Variants in ATOSB observed in about 807,000 individuals in gnomAD.
The protein encoded by ATOSB is atos homolog protein B.
chr9:35,106,872 G>A, the ATOSB span: 5 of 1,571,846 alleles, frequency 3.2e-6, no homozygotes, highest in Non-Finnish European at 4.3e-6. The surrounding 1 kb of genome is among the most constrained non-coding windows in gnomAD (Gnocchi z 4.6). Flanking sequence ...CCGCCCCATG[G>A]GACCGCAGTC....
the ATOSB span, chr9:35,108,026 A>C: frequency 1.3e-6 from 2 of 1,548,432 alleles, no homozygotes; most frequent in South Asian, 2.5e-5. Context: ...CCCCCAGCCC[A>C]GGGCCTCTCT....
chr9:35,109,996 A>G, the ATOSB span: 1 of 152,060 alleles, frequency 6.6e-6, no homozygotes, highest in Admixed American at 6.6e-5. Context: ...CAGATGAGAG[A>G]AGCAGAGAGA....
At chr9:35,107,590 G>T in the ATOSB span, 28 of 1,587,124 alleles carry the variant, frequency 1.8e-5, no homozygotes, top group Non-Finnish European at 2.2e-5. Context: ...GGGCCAGGGG[G>T]TGTGTGCTCG....
chr9:35,107,840 G>T, the ATOSB span: 2 of 1,597,336 alleles, frequency 1.3e-6, no homozygotes, highest in Non-Finnish European at 1.7e-6. Context: ...TTGATGGGGG[G>T]CAGGGGGGAC....
the ATOSB span, among the ~76,000 whole-genome samples, chr9:35,115,100 A>G: frequency 0.011 from 1,612 of 151,878 alleles, 15 homozygotes; most frequent in Non-Finnish European, 0.017. Flanking sequence ...AGGAACTAGG[A>G]TGGGGGGTTG....
chr9:35,106,804 C>G, the ATOSB span: 2 of 1,557,618 alleles, frequency 1.3e-6, no homozygotes. The surrounding 1 kb of genome is among the most constrained non-coding windows in gnomAD (Gnocchi z 4.6). Context: ...TTCTCAGGGA[C>G]AGGGTAGAGG....
the ATOSB span, among the ~76,000 whole-genome samples, chr9:35,113,389 G>C: frequency 4.7e-4 from 71 of 152,264 alleles, no homozygotes; most frequent in African/African-American, 1.7e-3. Context: ...ACTTTGGGAG[G>C]CCAAAGTGGG....
At chr9:35,107,130 T>G in the ATOSB span, among the ~76,000 whole-genome samples, 13,290 of 151,860 alleles carry the variant, frequency 0.088, 895 homozygotes, top group East Asian at 0.35. Context: ...GAGACCAGCT[T>G]GGGCAACATG....
At chr9:35,105,600 G>A in the ATOSB span, 15 of 1,420,024 alleles carry the variant, frequency 1.1e-5, no homozygotes, top group Admixed American at 6.3e-5. This position sits in a 1 kb window ranked among gnomAD's most constrained non-coding sequence, Gnocchi z 5.5. Flanking sequence ...GCAAGAATCC[G>A]GACAGTATCG....
the ATOSB span, chr9:35,107,777 C>A: frequency 6.4e-7 from 1 of 1,564,518 alleles, no homozygotes; most frequent in Admixed American, 1.9e-5. Context: ...ACCCCTGTCC[C>A]CCTGGATCTG....
At chr9:35,105,429 T>A in the ATOSB span, 1 of 1,559,140 alleles carries the variant, frequency 6.4e-7, no homozygotes, top group Non-Finnish European at 8.7e-7. The surrounding 1 kb of genome is among the most constrained non-coding windows in gnomAD (Gnocchi z 5.5). Flanking sequence ...CAGTGGCTCA[T>A]GCCTGTAATT....
the ATOSB span, chr9:35,108,642 G>A: frequency 9.7e-7 from 1 of 1,035,002 alleles, no homozygotes; most frequent in South Asian, 3.8e-5. Flanking sequence ...CTTCCCAACT[G>A]ATGCCTCGTG....
the ATOSB span, chr9:35,107,328 A>G: frequency 2.7e-6 from 4 of 1,502,744 alleles, no homozygotes; most frequent in African/African-American, 5.7e-5. Flanking sequence ...TCAAAAAAAA[A>G]AAAAAAAAAA....
At chr9:35,106,929 A>G in the ATOSB span, 1 of 1,537,796 alleles carries the variant, frequency 6.5e-7, no homozygotes. This position sits in a 1 kb window ranked among gnomAD's most constrained non-coding sequence, Gnocchi z 4.6. Flanking sequence ...CACAGGGTGA[A>G]GGCCATGTAT....
the ATOSB span, chr9:35,106,088 C>T: frequency 6.5e-7 from 1 of 1,531,134 alleles, no homozygotes; most frequent in Admixed American, 1.9e-5. This position sits in a 1 kb window ranked among gnomAD's most constrained non-coding sequence, Gnocchi z 4.6. Context: ...TCTCCACAAG[C>T]TCTCACCCTG....
chr9:35,106,733 AGGGCTTCTGCCCTG>A, the ATOSB span: 1 of 1,478,236 alleles, frequency 6.8e-7, no homozygotes, highest in South Asian at 1.2e-5. The surrounding 1 kb of genome is among the most constrained non-coding windows in gnomAD (Gnocchi z 4.6). Context: ...GCCACTATGT[AGGGCTTCTGCCCTG>A]GGGTCCCCTA....
At chr9:35,105,720 G>A in the ATOSB span, 1 of 1,613,988 alleles carries the variant, frequency 6.2e-7, no homozygotes, top group Non-Finnish European at 8.5e-7. The surrounding 1 kb of genome is among the most constrained non-coding windows in gnomAD (Gnocchi z 5.5). Context: ...GGTGGGTGGG[G>A]TTAGCATTTC....
the ATOSB span, chr9:35,105,018 G>C: frequency 2.1e-6 from 1 of 485,638 alleles, no homozygotes; most frequent in South Asian, 4.1e-5. This position sits in a 1 kb window ranked among gnomAD's most constrained non-coding sequence, Gnocchi z 5.5. Flanking sequence ...CAAGGGAGGG[G>C]ACAGGCACAT....
chr9:35,114,906 GC>G, the ATOSB span, among the ~76,000 whole-genome samples: 1 of 152,162 alleles, frequency 6.6e-6, no homozygotes, highest in Non-Finnish European at 1.5e-5. Context: ...TCTGAGCCCT[GC>G]CGCTGGTTAC....
Sources: allele counts gnomAD v4.1 joint callset (sites outside exome capture counted in the v4.1 genomes callset), GRCh38; gene constraint gnomAD v4.1.1; non-coding constraint Gnocchi (gnomAD v3.1); transcripts MANE v1.5; gene names NCBI Gene and HGNC (gene_info 2026-07-23, HGNC 2026-07-21).